PVALEF: variants seen among roughly 807,000 people sequenced by gnomAD.
PVALEF encodes the protein parvalbumin like EF-hand containing, also known as parvalbumin-like EF-hand-containing protein.
PVALEF carries 2 observed loss-of-function variants against 1.2 expected under a neutral mutation model. The observed-to-expected ratio is 1.68, with a 90% CI of 0.69 to 5.28. The LOEUF (loss-of-function observed/expected upper bound fraction) is 5.28, where lower values mean the gene tolerates loss of function less well. PVALEF is among the 30% of genes most tolerant of loss of function. PVALEF has a pLI of 0.06. For synonymous variants in PVALEF, 16 were observed against 6.5 expected, an observed-to-expected ratio of 2.47 and a Z score of -2.24; for missense variants, 35 against 17.7, an observed-to-expected ratio of 1.97 and a Z score of -1.75.
intron 2 of PVALEF, among the ~76,000 whole-genome samples, chr17:81,177,878 T>C (rs944154383): frequency 3.9e-5 from 6 of 152,228 alleles, no homozygotes; most frequent in African/African-American, 1.4e-4. Context: ...AACTGGCCAC[T>C]AATTGCTGCT....
At chr17:81,179,903 A>C (rs2061547954) in intron 3 of PVALEF, among the ~76,000 whole-genome samples, 1 of 152,106 alleles carries the variant, frequency 6.6e-6, no homozygotes, top group Non-Finnish European at 1.5e-5. Flanking sequence ...GGGGAAACAG[A>C]GGCCTTTTGG....
intron 6 of PVALEF, among the ~76,000 whole-genome samples, chr17:81,182,559 G>A (rs1283708743): frequency 6.6e-6 from 1 of 152,192 alleles, no homozygotes; most frequent in Admixed American, 6.5e-5. Flanking sequence ...GGGTCACAAG[G>A]CTTGACAGGC....
At chr17:81,171,652 C>T (rs928482655) in intron 2 of PVALEF, among the ~76,000 whole-genome samples, 3 of 152,036 alleles carry the variant, frequency 2.0e-5, no homozygotes, top group Non-Finnish European at 2.9e-5. Flanking sequence ...CCACCACACC[C>T]GGCTAATTTT....
At chr17:81,166,135 C>G (rs185116930) in intron 1 of PVALEF, 1 of 300,642 alleles carries the variant, frequency 3.3e-6, no homozygotes, top group Non-Finnish European at 4.8e-6. Flanking sequence ...CCCGCCGCAG[C>G]CGCAGAGCCC....
chr17:81,177,801 A>G (rs552135728), intron 2 of PVALEF, among the ~76,000 whole-genome samples: 1 of 152,350 alleles, frequency 6.6e-6, no homozygotes, highest in East Asian at 1.9e-4. Context: ...GCTATTACAG[A>G]TAATATTTCA....
chr17:81,166,262 G>GT (rs1466388396), intron 1 of PVALEF, among the ~76,000 whole-genome samples: 2 of 61,070 alleles, frequency 3.3e-5, no homozygotes, highest in Admixed American at 1.6e-4. Context: ...GCGCGGGGGA[G>GT]GGGGGGGCCC....
chr17:81,175,524 GT>G (rs2061533661), intron 2 of PVALEF, among the ~76,000 whole-genome samples: 1 of 152,174 alleles, frequency 6.6e-6, no homozygotes, highest in Non-Finnish European at 1.5e-5. Context: ...CCTACTTCCT[GT>G]TTTCAAAATT....
Position 81,181,566 on chromosome 17 carries a change from C to T in PVALEF, c.114C>T (p.Phe38=). ...LPTDMRHHGS[F]NYLKFFKHIR... ...CCCGCCTGGTTGCCCCAGGGTCCTT[C>T]AACTACCTCAAGTTCTTCAAGCACA... Residue 38 remains phenylalanine (F), a synonymous_variant, in exon 5 of 7, where the codon TTC becomes TTT. Transcript: ENST00000637878. 2 of 449,514 alleles carry T rather than the reference C, an allele frequency of 4.4e-6. No homozygotes were observed. The highest frequency in any genetic ancestry group is 3.9e-6 in the Non-Finnish European group (1 of 257,576). 27.8% of individuals were successfully genotyped at this position (449,514 alleles called of 1,614,324 possible).
intron 2 of PVALEF, among the ~76,000 whole-genome samples, chr17:81,171,923 A>C (rs2061522015): frequency 6.6e-6 from 1 of 152,192 alleles, no homozygotes; most frequent in Admixed American, 6.5e-5. Context: ...CCATCCCCAG[A>C]GGAAACCCCA....
chr17:81,167,674 G>A (rs2061503125), intron 2 of PVALEF, among the ~76,000 whole-genome samples: 1 of 152,220 alleles, frequency 6.6e-6, no homozygotes, highest in Admixed American at 6.5e-5. Context: ...TCAGACCTTA[G>A]GGGTCCCTGG....
At chr17:81,176,410 T>G (rs1248310072) in intron 2 of PVALEF, among the ~76,000 whole-genome samples, 1 of 152,044 alleles carries the variant, frequency 6.6e-6, no homozygotes, top group Non-Finnish European at 1.5e-5. Flanking sequence ...TCCCAGCTAC[T>G]CAGGAGGCTG....
chr17:81,181,647 G>A lies in PVALEF; in HGVS notation c.195G>A (p.Gln65=), dbSNP rs756937632. The A allele has an allele frequency of 1.0e-4, 43 of 412,710 alleles. No individual in the cohort carries two copies. The highest frequency in any genetic ancestry group is 6.8e-5 in the Non-Finnish European group (16 of 235,576). 25.6% of individuals were successfully genotyped at this position (412,710 alleles called of 1,614,324 possible). ...QLDDAIHTAF[Q]SLDKDKSGFI... ...ACGACGCCATCCACACGGCCTTCCA[G>A]TCCCTGGACAAGGACAAGAGTGGCT... Residue 65 remains glutamine (Q), a synonymous_variant, in exon 5 of 7, where the codon CAG becomes CAA. Coordinates refer to ENST00000637878, the MANE Select transcript of PVALEF (RefSeq NM_001354639.2).
At chr17:81,166,208 C>A (rs1425451243) in intron 1 of PVALEF, 1 of 145,644 alleles carries the variant, frequency 6.9e-6, no homozygotes, top group African/African-American at 2.6e-5. Context: ...CGCGGGGCTC[C>A]GCTGGTGCAG....
chr17:81,168,840 A>G (rs2061508345), intron 2 of PVALEF, among the ~76,000 whole-genome samples: 1 of 152,188 alleles, frequency 6.6e-6, no homozygotes, highest in South Asian at 2.1e-4. Flanking sequence ...GCACCTCAGG[A>G]GCAAAGTTTA....
In PVALEF at chr17:81,166,263, G is replaced by GC. The variant is rs1465617215; in HGVS notation, c.-507-414_-507-413insC. ...GCGCGCGCGGAGCGGCGCGGGGGAG[G>GC]GGGGGGCCCTCCGCGGCCGGGGTGG... On this transcript the variant is annotated intron_variant, in intron 1 of 6. Transcript: ENST00000637878. Among the ~76,000 whole-genome samples, 25 of 129,518 alleles carry GC rather than the reference G, an allele frequency of 1.9e-4. No homozygotes were observed. The East Asian group carries it at 4.5e-3, about 23-fold the overall frequency. 85.0% of individuals were successfully genotyped at this position (129,518 alleles called of 152,430 possible).
intron 2 of PVALEF, among the ~76,000 whole-genome samples, chr17:81,171,759 T>A (rs891353937): frequency 1.3e-5 from 2 of 152,152 alleles, no homozygotes; most frequent in Non-Finnish European, 2.9e-5. Flanking sequence ...CCCAAAGTGC[T>A]GGGATTACAG....
chr17:81,170,004 GTC>G (rs2061513908), intron 2 of PVALEF, among the ~76,000 whole-genome samples: 1 of 151,402 alleles, frequency 6.6e-6, no homozygotes, highest in African/African-American at 2.4e-5. Context: ...GTGTTGGTGT[GTC>G]TGCATGTGTA....
In PVALEF at chr17:81,181,952, C is replaced by T. The variant is rs1395565472; in HGVS notation, c.243-14C>T. The T allele has an allele frequency of 7.5e-6, 3 of 398,542 alleles. No homozygotes were observed. The highest frequency in any genetic ancestry group is 1.3e-5 in the Non-Finnish European group (3 of 225,992). The allele number at this position is 398,542 out of a possible 1,614,324, so 24.7% of individuals were successfully genotyped here. A position where few individuals can be genotyped will look rare whatever the true frequency, so the allele number is the denominator to read the frequency against. On this transcript the variant is annotated splice_polypyrimidine_tract_variant and intron_variant, in intron 5 of 6. Transcript: ENST00000637878. ...GAAGCCCCTTGGCCCTGACTCGAGC[C>T]CCCTTGGCCCCAGGTACATCCTGTC... is the stretch of plus-strand genomic sequence containing the variant.
intron 1 of PVALEF, 102 bp downstream of exon 1, chr17:81,165,849 C>T: frequency 5.9e-6 from 9 of 1,528,238 alleles, no homozygotes; most frequent in Non-Finnish European, 7.9e-6. Context: ...GGTTAATTTC[C>T]ATGCAAACCG....
Sources: gnomAD v4.1 joint callset for allele counts (sites outside exome capture counted in the v4.1 genomes callset) on GRCh38, gnomAD v4.1.1 for gene constraint, MANE v1.5 for transcripts, NCBI Gene and HGNC (gene_info 2026-07-23, HGNC 2026-07-21) for gene names.